LPIN2: variants seen among roughly 807,000 people sequenced by gnomAD.
LPIN2 encodes the protein phosphatidate phosphatase LPIN2.
A neutral mutation model predicts 111.4 loss-of-function variants in LPIN2; 55 were observed. The observed-to-expected ratio is 0.49, with a 90% CI of 0.40 to 0.62. LPIN2 has a LOEUF of 0.62. Ranked by LOEUF, LPIN2 falls within the 20% of genes least tolerant of loss-of-function variation. The pLI is 0.00. For missense variants in LPIN2, 992 were observed against 1,112.1 expected (o/e 0.89, Z 1.54); for synonymous variants, 425 against 414.0 (o/e 1.03, Z -0.32).
chr18:2,956,428 G>A (rs931224405), intron 2 of LPIN2, among the ~76,000 whole-genome samples: 7 of 152,006 alleles, frequency 4.6e-5, no homozygotes, highest in South Asian at 2.1e-4. Context: ...TTACGAGCAC[G>A]CCTAATAAGC....
At chr18:2,995,643 A>G (rs538453705) in intron 1 of LPIN2, among the ~76,000 whole-genome samples, 2 of 152,332 alleles carry the variant, frequency 1.3e-5, no homozygotes, top group African/African-American at 4.8e-5. Context: ...AATACCACAT[A>G]GTCACAGAAC....
At chr18:2,995,763 A>G (rs927245834) in intron 1 of LPIN2, among the ~76,000 whole-genome samples, 2 of 152,218 alleles carry the variant, frequency 1.3e-5, no homozygotes, top group African/African-American at 4.8e-5. Context: ...TGAAGGGTAA[A>G]GATTTTCCAC....
intron 1 of LPIN2, among the ~76,000 whole-genome samples, chr18:2,996,446 GCTTAC>G (rs1439103565): frequency 2.0e-5 from 3 of 149,148 alleles, no homozygotes; most frequent in South Asian, 2.1e-4. Flanking sequence ...ATGACTACAT[GCTTAC>G]CTCCCAGGAA....
At chr18:2,965,190 G>A (rs542133884) in intron 1 of LPIN2, among the ~76,000 whole-genome samples, 52 of 151,998 alleles carry the variant, frequency 3.4e-4, no homozygotes, top group Middle Eastern at 3.4e-3. Context: ...ATACTTATTA[G>A]AGACCAAATG....
chr18:2,990,945 G>A, intron 1 of LPIN2: 1 of 562,580 alleles, frequency 1.8e-6, no homozygotes. Flanking sequence ...CTGGGATGAT[G>A]CCAGTGGGAC....
In LPIN2 at chr18:2,920,203, G is replaced by A. The variant is rs547359065; in HGVS notation, c.*90C>T. ...AGAAGCACCCGTCCCCGCTGGGGAA[G>A]GCTGGTATCTGAGGTCAGCAGAAGA... is the stretch of plus-strand genomic sequence containing the variant. On this transcript the variant is annotated 3_prime_UTR_variant, in exon 20 of 20. Coordinates refer to ENST00000677752, the MANE Select transcript of LPIN2 (RefSeq NM_001375808.2). 4.3e-3 allele frequency: 6,712 copies of A among 1,559,358 alleles called. 37 individuals are homozygous for A. Among genetic ancestry groups the A allele is most frequent in the Middle Eastern group, 5.2e-3 (25 of 4,812 alleles).
intron 1 of LPIN2, among the ~76,000 whole-genome samples, chr18:2,995,196 GA>G (rs35555695): frequency 0.63 from 96,402 of 152,032 alleles, 32,208 homozygotes; most frequent in East Asian, 0.84. Context: ...ATAGTTCCAA[GA>G]CCTATGCCAC....
In LPIN2 at chr18:2,928,583, C is replaced by G. The variant is rs751918963; in HGVS notation, c.1620+8G>C. On this transcript the variant is annotated splice_region_variant and intron_variant, in intron 11 of 19. Coordinates refer to ENST00000677752, the MANE Select transcript of LPIN2 (RefSeq NM_001375808.2). ...TTCGGAAAGGCAGCAGATGGTGGAT[C>G]GCCTCACCTTAGGCAAGCTCTTCTG... 1 of 1,614,036 alleles carries G rather than the reference C, an allele frequency of 6.2e-7. No individual in the cohort carries two copies. The highest frequency in any genetic ancestry group is 1.1e-5 in the South Asian group (1 of 91,076).
At chr18:2,987,918 A>C (rs1482480505) in intron 1 of LPIN2, among the ~76,000 whole-genome samples, 1 of 150,436 alleles carries the variant, frequency 6.6e-6, no homozygotes, top group Non-Finnish European at 1.5e-5. Flanking sequence ...TCACGCCTGT[A>C]ATCCCAGCTA....
intron 1 of LPIN2, chr18:2,985,013 G>A (rs1326119977): frequency 2.0e-5 from 3 of 152,378 alleles, no homozygotes; most frequent in Admixed American, 2.0e-4. Flanking sequence ...CAACAGGTGG[G>A]GCACCCAAGC....
At chr18:3,010,244 A>G (rs535494549) in intron 1 of LPIN2, among the ~76,000 whole-genome samples, 1 of 148,298 alleles carries the variant, frequency 6.7e-6, no homozygotes, top group African/African-American at 2.5e-5. Flanking sequence ...GTGGATTCCA[A>G]AAATCACAGT....
intron 1 of LPIN2, among the ~76,000 whole-genome samples, chr18:3,000,015 C>T (rs2078407427): frequency 7.0e-6 from 1 of 142,550 alleles, no homozygotes; most frequent in Non-Finnish European, 1.5e-5. Flanking sequence ...ATTAGTGAGA[C>T]CCTATCTCTG....
intron 1 of LPIN2, among the ~76,000 whole-genome samples, chr18:2,996,797 G>C (rs937775933): frequency 5.3e-5 from 8 of 151,894 alleles, no homozygotes; most frequent in African/African-American, 1.9e-4. Flanking sequence ...TCTATCTATT[G>C]AGTATCATAT....
At chr18:3,006,365 A>G (rs1458096185) in intron 1 of LPIN2, among the ~76,000 whole-genome samples, 2 of 152,202 alleles carry the variant, frequency 1.3e-5, no homozygotes, top group Non-Finnish European at 2.9e-5. Flanking sequence ...TTTAACAGCT[A>G]AGCCAGTTAG....
chr18:2,994,039 A>C (rs1168163670), intron 1 of LPIN2, among the ~76,000 whole-genome samples: 1 of 152,254 alleles, frequency 6.6e-6, no homozygotes, highest in Non-Finnish European at 1.5e-5. Context: ...CAGCCAAAGT[A>C]GTTAAAACAT....
intron 4 of LPIN2, among the ~76,000 whole-genome samples, chr18:2,941,875 G>A (rs2077371322): frequency 6.6e-6 from 1 of 152,194 alleles, no homozygotes. Flanking sequence ...AGTGAGCGGA[G>A]ATCGCACCAC....
chr18:2,961,905 C>T (rs1358130704), intron 1 of LPIN2, among the ~76,000 whole-genome samples: 1 of 152,224 alleles, frequency 6.6e-6, no homozygotes, highest in African/African-American at 2.4e-5. Context: ...ACTGACTGCT[C>T]TCCAGGCTGT....
At position 2,919,284 on chromosome 18, in the gene LPIN2, G is replaced by GT. The variant is rs2077014738; in HGVS notation, c.*1008dup. ...GCTTCCACGGGCCCGATTACAGGGTGTGATCCCAAAAGCCAAAGTCACACA... is the reference window on the plus strand; with the variant it reads ...GCTTCCACGGGCCCGATTACAGGGTGTTGATCCCAAAAGCCAAAGTCACACA... On this transcript the variant is annotated 3_prime_UTR_variant, in exon 20 of 20. Coordinates refer to ENST00000677752, the MANE Select transcript of LPIN2 (RefSeq NM_001375808.2). The GT allele has an allele frequency of 6.6e-6, 1 of 152,220 alleles. No homozygotes were observed. Among genetic ancestry groups the GT allele is most frequent in the African/African-American group, 2.4e-5 (1 of 41,450 alleles). 9.4% of individuals were successfully genotyped at this position (152,220 alleles called of 1,614,324 possible).
At chr18:3,009,002 C>T (rs1401022886) in intron 1 of LPIN2, among the ~76,000 whole-genome samples, 1 of 151,508 alleles carries the variant, frequency 6.6e-6, no homozygotes, top group Non-Finnish European at 1.5e-5. Flanking sequence ...TGCGGTGGCT[C>T]ACGCCTGTAA....
Sources: allele counts gnomAD v4.1 joint callset (sites outside exome capture counted in the v4.1 genomes callset), GRCh38; gene constraint gnomAD v4.1.1; transcripts MANE v1.5; gene names NCBI Gene and HGNC (gene_info 2026-07-23, HGNC 2026-07-21).